FAM184A: variants seen among roughly 807,000 people sequenced by gnomAD.
FAM184A encodes family with sequence similarity 184 member A.
FAM184A carries 99 observed loss-of-function variants against 143.8 expected under a neutral mutation model. That is an observed-to-expected ratio of 0.69 (90% CI 0.58 to 0.81). The LOEUF (loss-of-function observed/expected upper bound fraction) is 0.81. FAM184A is among the 40% of genes least tolerant of loss of function. FAM184A has a pLI of 0.00. For synonymous variants in FAM184A, 427 were observed against 446.4 expected, an observed-to-expected ratio of 0.96 and a Z score of 0.55; for missense variants, 1,217 against 1,310.5, an observed-to-expected ratio of 0.93 and a Z score of 1.10.
chr6:119,124,211 T>C (rs1360041463), intron 1 of FAM184A, among the ~76,000 whole-genome samples: 3 of 152,212 alleles, frequency 2.0e-5, no homozygotes, highest in African/African-American at 4.8e-5. Context: ...TTGGTTTAAT[T>C]ATCTGGCCTC....
At chr6:119,057,729 G>A (rs1787043253) in intron 1 of FAM184A, among the ~76,000 whole-genome samples, 2 of 151,874 alleles carry the variant, frequency 1.3e-5, no homozygotes, top group South Asian at 2.1e-4. Flanking sequence ...GGTGACAGAG[G>A]GCAACCTTGT....
intron 1 of FAM184A, among the ~76,000 whole-genome samples, chr6:119,099,454 A>C (rs932811045): frequency 2.6e-5 from 4 of 152,132 alleles, no homozygotes; most frequent in African/African-American, 7.2e-5. Flanking sequence ...GCTTGGGGGA[A>C]GAGCTTCCAG....
chr6:119,120,929 T>G (rs923376902), intron 1 of FAM184A, among the ~76,000 whole-genome samples: 1 of 144,946 alleles, frequency 6.9e-6, no homozygotes, highest in African/African-American at 2.5e-5. Flanking sequence ...TGCCTCAAAC[T>G]CCTGTGTAGC....
chr6:119,039,251 C>G (rs888861127), intron 1 of FAM184A, among the ~76,000 whole-genome samples: 6 of 152,172 alleles, frequency 3.9e-5, no homozygotes, highest in Admixed American at 6.5e-5. Context: ...TCTTATAAAA[C>G]TAAACACATT....
intron 1 of FAM184A, among the ~76,000 whole-genome samples, chr6:119,061,377 A>G (rs1232702816): frequency 6.6e-6 from 1 of 151,846 alleles, no homozygotes; most frequent in Non-Finnish European, 1.5e-5. Flanking sequence ...TTTAATAGAG[A>G]CAAGGTCACA....
chr6:119,016,233 G>A (rs553660709), intron 5 of FAM184A, among the ~76,000 whole-genome samples: 139 of 152,292 alleles, frequency 9.1e-4, no homozygotes, highest in African/African-American at 3.2e-3. Context: ...ATGTGGGTGG[G>A]GCCAGATAAG....
intron 9 of FAM184A, among the ~76,000 whole-genome samples, chr6:118,983,994 C>CA (rs569317276): frequency 0.018 from 2,743 of 150,508 alleles, 94 homozygotes; most frequent in African/African-American, 0.064. Flanking sequence ...ACTAAAAATA[C>CA]AAAAAATTAG....
chr6:119,084,270 C>G (rs1788155438), intron 1 of FAM184A, among the ~76,000 whole-genome samples: 1 of 152,116 alleles, frequency 6.6e-6, no homozygotes, highest in Admixed American at 6.5e-5. Context: ...GAGTGGGGAC[C>G]CAGAGCCAAA....
At chr6:119,120,177 G>A (rs958648712) in intron 1 of FAM184A, among the ~76,000 whole-genome samples, 4 of 152,254 alleles carry the variant, frequency 2.6e-5, no homozygotes, top group South Asian at 4.1e-4. Flanking sequence ...CTCATAATCC[G>A]CTTGTTCTTC....
At chr6:119,025,663 A>G in intron 1 of FAM184A, 1 of 515,610 alleles carries the variant, frequency 1.9e-6, no homozygotes, top group South Asian at 1.4e-5. Context: ...GATGCCATCC[A>G]TCATGCCACT....
In FAM184A at chr6:119,115,238, T is replaced by C. The variant is rs549961461; in HGVS notation, c.-202+33840A>G. Among the ~76,000 whole-genome samples, 9 of 152,354 alleles carry C rather than the reference T, an allele frequency of 5.9e-5. No individual in the cohort carries two copies. In the South Asian group the frequency reaches 1.7e-3, roughly 28 times the overall value. On this transcript the variant is annotated intron_variant, in intron 1 of 16. Transcript: ENST00000352896. ...ATTGAATTTTCATATTCCAACAATATTTAAATATAGTTCATTCAATAACCA... is the reference window on the plus strand; with the variant it reads ...ATTGAATTTTCATATTCCAACAATACTTAAATATAGTTCATTCAATAACCA...
intron 3 of FAM184A, among the ~76,000 whole-genome samples, chr6:119,022,053 C>CTTTTTTTTTTTTTT (rs34128659): frequency 1.9e-4 from 16 of 84,396 alleles, no homozygotes; most frequent in African/African-American, 2.3e-4. Flanking sequence ...TTCGTTCTTT[C>CTTTTTTTTTTTTTT]TTTTTTTTTT....
At chr6:119,005,932 G>A (rs975501983) in intron 7 of FAM184A, 8 of 552,820 alleles carry the variant, frequency 1.4e-5, no homozygotes, top group Admixed American at 8.0e-5. Context: ...AGAATTGCAC[G>A]TTCCAATTGT....
At chr6:119,063,534 T>C (rs1225058597) in intron 1 of FAM184A, among the ~76,000 whole-genome samples, 1 of 152,236 alleles carries the variant, frequency 6.6e-6, no homozygotes, top group African/African-American at 2.4e-5. Flanking sequence ...ATTCATAACA[T>C]GTAACTGCGA....
intron 1 of FAM184A, among the ~76,000 whole-genome samples, chr6:119,103,981 T>G (rs940899172): frequency 1.3e-5 from 2 of 149,956 alleles, no homozygotes; most frequent in African/African-American, 4.9e-5. Flanking sequence ...CTGGTAATAA[T>G]GTATTGTGCC....
chr6:118,978,574 G>A (rs1210736747), intron 11 of FAM184A, among the ~76,000 whole-genome samples: 1 of 152,162 alleles, frequency 6.6e-6, no homozygotes, highest in Non-Finnish European at 1.5e-5. Flanking sequence ...TTTTAAAGGA[G>A]GAAGAGGAGA....
At chr6:118,996,907 T>C (rs1320141255) in intron 9 of FAM184A, among the ~76,000 whole-genome samples, 1 of 150,692 alleles carries the variant, frequency 6.6e-6, no homozygotes, top group East Asian at 2.0e-4. Flanking sequence ...GTACTTTTTG[T>C]AGAGACAGGG....
Position 118,980,300 on chromosome 6 carries a change from A to G in FAM184A, c.2139T>C (p.Thr713=). Residue 713 remains threonine, a synonymous_variant, in exon 10 of 18, where the codon ACT becomes ACC. Transcript: ENST00000338891. ...NLEIQLSQSQ[T]SLQQLQAQFT... ...ACTGGGCTTGCAGTTGTTGCAAAGAAGTCTGAGACTGGGAAAGCTGTATCT... is the reference window on the plus strand; with the variant it reads ...ACTGGGCTTGCAGTTGTTGCAAAGAGGTCTGAGACTGGGAAAGCTGTATCT... The G allele has an allele frequency of 1.2e-6, 2 of 1,614,096 alleles. No homozygotes were observed. The highest frequency in any genetic ancestry group is 1.7e-6 in the Non-Finnish European group (2 of 1,179,950).
intron 14 of FAM184A, among the ~76,000 whole-genome samples, chr6:118,970,671 A>C (rs1783668425): frequency 6.6e-6 from 1 of 152,222 alleles, no homozygotes; most frequent in Non-Finnish European, 1.5e-5. Flanking sequence ...ATACCACACA[A>C]GTGTAGCCTT....
Sources: allele counts gnomAD v4.1 joint callset (sites outside exome capture counted in the v4.1 genomes callset), GRCh38; gene constraint gnomAD v4.1.1; transcripts MANE v1.5; gene names NCBI Gene and HGNC (gene_info 2026-07-23, HGNC 2026-07-21).